The following COL6A3 variants were observed in gnomAD, a reference collection of about 807,000 sequenced individuals.
COL6A3 encodes the protein collagen type VI alpha 3 chain.
In COL6A3, 137 loss-of-function variants were observed where a neutral mutation model predicts 274.1. The ratio of observed to expected loss-of-function variants is 0.50; its 90% confidence interval spans 0.44 to 0.58. The LOEUF (loss-of-function observed/expected upper bound fraction) is 0.58, where lower values mean the gene tolerates loss of function less well. Ranked by LOEUF, COL6A3 falls within the 20% of genes least tolerant of loss-of-function variation. COL6A3 has a pLI of 0.00. For synonymous variants in COL6A3, 1,650 were observed against 1,650.6 expected (o/e 1.00, Z 0.01); for missense variants, 3,950 against 4,124.9 (o/e 0.96, Z 1.16).
rs2078902284 is a variant in COL6A3 at position 237,413,330 on chromosome 2, A to C, written c.-31+623T>G. ...CCAAGGGACAAAGTCTCCAATAGAGACTTCAGGTTCCTGGAAAGACGAAAG... is the reference window on the plus strand; with the variant it reads ...CCAAGGGACAAAGTCTCCAATAGAGCCTTCAGGTTCCTGGAAAGACGAAAG... On this transcript the variant is annotated intron_variant, in intron 1 of 43. Transcript: ENST00000295550. This position sits in a 1 kb window ranked among gnomAD's most constrained non-coding sequence, Gnocchi z 4.0. Among the ~76,000 whole-genome samples, 1 of 152,134 alleles carries C rather than the reference A, an allele frequency of 6.6e-6. No individual in the cohort carries two copies. The highest frequency in any genetic ancestry group is 2.4e-5 in the African/African-American group (1 of 41,428).
rs1417532835 is a variant in COL6A3 at position 237,336,463 on chromosome 2, C to G, written c.8637G>C (p.Thr2879=). 3.7e-6 allele frequency: 6 copies of G among 1,613,972 alleles called. No homozygotes were observed. The African/African-American group carries it at 6.7e-5, about 18-fold the overall frequency. Reference sequence around the variant, plus strand: ...TTGTTGTGGTGGTCACCGGCTTCGTCGTAGTCACCGGCTTCGTTGTCGTCA... The same window carrying G: ...TTGTTGTGGTGGTCACCGGCTTCGTGGTAGTCACCGGCTTCGTTGTCGTCA... ...NPVTTTKPVT[T]TKPVTTTTKP... is the part of the protein sequence containing the mutation. The change falls in exon 40 of 44, where the codon ACG becomes ACC. Residue 2879 remains threonine (T), a synonymous_variant. Transcript: ENST00000295550.
intron 29 of COL6A3, 104 bp downstream of exon 29, chr2:237,348,509 A>G: frequency 1.4e-6 from 2 of 1,390,508 alleles, no homozygotes; most frequent in Non-Finnish European, 2.0e-6. Flanking sequence ...AAATACAAAG[A>G]CAATTTTTAA....
rs112384249 is a variant in COL6A3 at position 237,338,734 on chromosome 2, G to C, written c.8567+281C>G. 3.8e-3 allele frequency among the ~76,000 whole-genome samples: 576 copies of C among 152,338 alleles called. 7 individuals are homozygous for C. Among genetic ancestry groups the C allele is most frequent in the African/African-American group, 0.013 (539 of 41,572 alleles). On this transcript the variant is annotated intron_variant, in intron 39 of 43. Coordinates refer to ENST00000295550, the MANE Select transcript of COL6A3 (RefSeq NM_004369.4). ...AGTGAGCCAAGATTGCACAACTGCA[G>C]TCCAGCCTGGGCAACACAGCAAGAC...
At position 237,361,906 on chromosome 2, in the gene COL6A3, G is replaced by T. The variant is rs974703750; in HGVS notation, c.6064-75C>A. 1.5e-6 allele frequency: 2 copies of T among 1,294,534 alleles called. No individual in the cohort carries two copies. Among genetic ancestry groups the T allele is most frequent in the African/African-American group, 1.5e-5 (1 of 68,676 alleles). 80.2% of individuals were successfully genotyped at this position (1,294,534 alleles called of 1,614,324 possible). A position where few individuals can be genotyped will look rare whatever the true frequency, so the allele number is the denominator to read the frequency against. On this transcript the variant is annotated intron_variant, in intron 14 of 43. Transcript: ENST00000295550. The surrounding 1 kb of genome is among the most constrained non-coding windows in gnomAD (Gnocchi z 5.1). ...CAGAAAATCATAAATGCGCTTTAAGGGTCAAAATCGGATGTGTGGGGGTTT... is the reference window on the plus strand; with the variant it reads ...CAGAAAATCATAAATGCGCTTTAAGTGTCAAAATCGGATGTGTGGGGGTTT...
chr2:237,394,912 G>T lies in COL6A3; in HGVS notation c.384C>A (p.Ser128Arg), dbSNP rs886214092. The change falls in exon 3 of 44, where the codon AGC (serine) becomes AGA (arginine). Residue 128 changes from serine (S) to arginine (R), a missense_variant. By Grantham distance (110) the Ser-to-Arg change is moderately radical. Coordinates refer to ENST00000295550, the MANE Select transcript of COL6A3 (RefSeq NM_004369.4). ...TGKGLEYIMQ[S>R]HLTKAAGSRA... ...GGCTTCCAGCAGCCTTGGTGAGGTGGCTTTGCATTATGTATTCTAATCCTT... is the reference window on the plus strand; with the variant it reads ...GGCTTCCAGCAGCCTTGGTGAGGTGTCTTTGCATTATGTATTCTAATCCTT... The T allele has an allele frequency of 2.5e-6, 4 of 1,612,454 alleles. No homozygotes were observed. In the East Asian group the frequency reaches 8.9e-5, roughly 36 times the overall value.
intron 31 of COL6A3, among the ~76,000 whole-genome samples, chr2:237,347,582 G>A (rs1169373235): frequency 6.6e-6 from 1 of 152,196 alleles, no homozygotes. Flanking sequence ...GACCCTGGAG[G>A]TGAGTTGGAG....
Position 237,361,940 on chromosome 2 carries a change from G to C in COL6A3, c.6064-109C>G. 3.2e-6 allele frequency: 3 copies of C among 944,444 alleles called. No individual in the cohort carries two copies. Among genetic ancestry groups the C allele is most frequent in the Non-Finnish European group, 3.4e-6 (2 of 584,104 alleles). 58.5% of individuals were successfully genotyped at this position (944,444 alleles called of 1,614,324 possible). A position where few individuals can be genotyped will look rare whatever the true frequency, so the allele number is the denominator to read the frequency against. ...CGGATGTGTGGGGGTTTCACGGTGT[G>C]AGATGAAGTCCCTCCAGGTGACATT... is the stretch of plus-strand genomic sequence containing the variant. On this transcript the variant is annotated intron_variant, in intron 14 of 43. Transcript: ENST00000295550. The surrounding 1 kb of genome is among the most constrained non-coding windows in gnomAD (Gnocchi z 5.1).
rs778048349 is a variant in COL6A3 at position 237,354,881 on chromosome 2, G to C, written c.6627+18C>G. ...GCTGTTTGAAGAGAGTCTCCAGGGG[G>C]CACTGCATGAGGCTCACCTTAGCTC... On this transcript the variant is annotated intron_variant, in intron 24 of 43. Transcript: ENST00000295550. 6.2e-7 allele frequency: 1 copy of C among 1,611,740 alleles called. No homozygotes were observed. The highest frequency in any genetic ancestry group is 8.5e-7 in the Non-Finnish European group (1 of 1,178,536).
At position 237,374,442 on chromosome 2, in the gene COL6A3, G is replaced by T; in HGVS notation, c.3649C>A (p.Gln1217Lys). 1.2e-6 allele frequency: 2 copies of T among 1,613,490 alleles called. No homozygotes were observed. Among genetic ancestry groups the T allele is most frequent in the Non-Finnish European group, 1.7e-6 (2 of 1,180,018 alleles). The change falls in exon 8 of 44, where the codon CAG (glutamine) becomes AAG (lysine). Residue 1217 changes from glutamine to lysine, a missense_variant. By Grantham distance (53) the Gln-to-Lys change is moderately conservative. Around this residue, in one of 5 missense-constraint regions of COL6A3, gnomAD observed 1,934 missense variants for 1,984.3 expected, o/e 0.97. Transcript: ENST00000295550. The surrounding 1 kb of genome is among the most constrained non-coding windows in gnomAD (Gnocchi z 4.8). ...QLTREELSRL[Q>K]PVLQPLPSPG... ...CTCGGTAGAGGCTGCAACACCGGCT[G>T]CAGCCTGCTCAGCTCCTCGCGGGTG...
chr2:237,336,526 A>T lies in COL6A3; in HGVS notation c.8574T>A (p.Val2858=). ...TAGGACTTGAAGTAACGTTATTCGGAACATTTCTGTTAAGACAAATTAAAT... is the reference window on the plus strand; with the variant it reads ...TAGGACTTGAAGTAACGTTATTCGGTACATTTCTGTTAAGACAAATTAAAT... The part of the protein sequence containing the change: ...LVKFGHKQVN[V]PNNVTSSPTS... The change falls in exon 40 of 44, where the codon GTT becomes GTA. Residue 2858 remains valine (V), a synonymous_variant. Transcript: ENST00000295550. 6.2e-7 allele frequency: 1 copy of T among 1,614,202 alleles called. No homozygotes were observed. Among genetic ancestry groups the T allele is most frequent in the Non-Finnish European group, 8.5e-7 (1 of 1,180,016 alleles).
At chr2:237,332,103 A>G (rs1448790042) in intron 42 of COL6A3, among the ~76,000 whole-genome samples, 1 of 48,668 alleles carries the variant, frequency 2.1e-5, no homozygotes, top group African/African-American at 5.0e-5. Flanking sequence ...ATATATATAT[A>G]TATATATATA....
At chr2:237,354,493 G>A (rs1267700959) in intron 24 of COL6A3, among the ~76,000 whole-genome samples, 1 of 152,144 alleles carries the variant, frequency 6.6e-6, no homozygotes, top group African/African-American at 2.4e-5. Flanking sequence ...ATAGGTGACT[G>A]TTCTGGTAAA....
chr2:237,334,645 G>T lies in COL6A3; in HGVS notation c.9210C>A (p.Tyr3070Ter), dbSNP rs1363089686. Residue 3070 changes from tyrosine to a stop codon, truncating the protein, a stop_gained, in exon 41 of 44, where the codon TAC (tyrosine) becomes TAA (stop). Transcript: ENST00000295550. LOFTEE classifies it high-confidence loss of function. ...ACTTACTTGTACTGAAACTTCCGTGGTAGGTGGCTCTGACCTGAGACCTCA... is the reference window on the plus strand; with the variant it reads ...ACTTACTTGTACTGAAACTTCCGTGTTAGGTGGCTCTGACCTGAGACCTCA... ...CYLRSQVRAT[Y>*]HGSFSTKKSQ... 6.2e-7 allele frequency: 1 copy of T among 1,613,566 alleles called. No individual in the cohort carries two copies. Among genetic ancestry groups the T allele is most frequent in the Non-Finnish European group, 8.5e-7 (1 of 1,180,032 alleles).
chr2:237,335,756 T>G lies in COL6A3; in HGVS notation c.8965+379A>C, dbSNP rs142620373. ...ACCAGCCCAGAAACATCTGCCTTGC[T>G]GCCTAAGAACCAACTGCAGCGTTTT... On this transcript the variant is annotated intron_variant, in intron 40 of 43. Coordinates refer to ENST00000295550, the MANE Select transcript of COL6A3 (RefSeq NM_004369.4). 6.6e-4 allele frequency among the ~76,000 whole-genome samples: 100 copies of G among 152,336 alleles called. 1 individual carries two copies. In the East Asian group the frequency reaches 0.018, roughly 27 times the overall value.
chr2:237,386,595 C>T (rs2078148896), intron 4 of COL6A3: 1 of 152,186 alleles, frequency 6.6e-6, no homozygotes, highest in Non-Finnish European at 1.5e-5. Context: ...CACCAATTTT[C>T]ATTGAGCCCA....
chr2:237,359,786 G>A (rs532880093), intron 17 of COL6A3, among the ~76,000 whole-genome samples: 1 of 152,296 alleles, frequency 6.6e-6, no homozygotes, highest in South Asian at 2.1e-4. Context: ...CCACGGTCCA[G>A]GGCCGGGGCC....
rs764975992 is a variant in COL6A3 at position 237,366,923 on chromosome 2, G to A, written c.5264C>T (p.Ser1755Leu). ...GCTCACATCCTGTGCATCTTCCACC[G>A]ACTTTCCTCCCGTGATCACAAAGGC... The part of the protein sequence containing the change: ...QIAFVITGGK[S>L]VEDAQDVSLA... Residue 1755 changes from serine to leucine, a missense_variant, in exon 11 of 44, where the codon TCG (serine) becomes TTG (leucine). By Grantham distance (145) the Ser-to-Leu change is moderately radical. Around this residue, in one of 5 missense-constraint regions of COL6A3, gnomAD observed 632 missense variants for 623.4 expected, o/e 1.01. Transcript: ENST00000295550. 1.1e-5 allele frequency: 18 copies of A among 1,614,206 alleles called. No homozygotes were observed. Among genetic ancestry groups the A allele is most frequent in the Middle Eastern group, 1.6e-4 (1 of 6,062 alleles).
chr2:237,396,248 CAG>C (rs1175869614), intron 2 of COL6A3, among the ~76,000 whole-genome samples: 8 of 152,166 alleles, frequency 5.3e-5, no homozygotes, highest in Non-Finnish European at 1.2e-4. Flanking sequence ...TTTTGGGAAA[CAG>C]AAATCTTAAA....
Position 237,346,570 on chromosome 2 carries a change from A to G in COL6A3, c.7030-5T>C. The G allele has an allele frequency of 6.2e-7, 1 of 1,613,124 alleles. No individual in the cohort carries two copies. Among genetic ancestry groups the G allele is most frequent in the Non-Finnish European group, 8.5e-7 (1 of 1,179,140 alleles). On this transcript the variant is annotated splice_polypyrimidine_tract_variant and splice_region_variant and intron_variant, in intron 31 of 43. Transcript: ENST00000295550. ...CCCTGGAGGTCCCGAATTTCCCTAG[A>G]GGGAGCAGAACAAACATTGTTCAAC... is the stretch of plus-strand genomic sequence containing the variant.
Sources: gnomAD v4.1 joint callset for allele counts (sites outside exome capture counted in the v4.1 genomes callset) on GRCh38, gnomAD v4.1.1 for gene constraint, gnomAD v4.1.1 regional missense constraint, Gnocchi (gnomAD v3.1) non-coding constraint, MANE v1.5 for transcripts, NCBI Gene and HGNC (gene_info 2026-07-23, HGNC 2026-07-21) for gene names.